The following WDR33 variants were observed in gnomAD, a reference collection of about 807,000 sequenced individuals.
The protein encoded by WDR33 is WD repeat domain 33, also known as pre-mRNA 3' end processing protein WDR33.
A neutral mutation model predicts 164.9 loss-of-function variants in WDR33; 47 were observed. The observed-to-expected ratio is 0.29, with a 90% confidence interval of 0.23 to 0.36. The LOEUF (loss-of-function observed/expected upper bound fraction) is 0.36, where lower values mean the gene tolerates loss of function less well. Ranked by LOEUF, WDR33 falls within the 10% of genes least tolerant of loss-of-function variation. The pLI is 1.00. For synonymous variants in WDR33, 505 were observed against 589.0 expected (o/e 0.86, Z 2.06); for missense variants, 1,137 against 1,754.1 (o/e 0.65, Z 6.28).
chr2:127,784,085 T>C (rs755719899), intron 1 of WDR33, among the ~76,000 whole-genome samples: 1 of 152,198 alleles, frequency 6.6e-6, no homozygotes, highest in East Asian at 1.9e-4. Context: ...AAAAGTAGCA[T>C]TGTTTTTCAC....
chr2:127,807,652 G>A (rs1287806517), intron 1 of WDR33, among the ~76,000 whole-genome samples: 2 of 152,130 alleles, frequency 1.3e-5, no homozygotes, highest in African/African-American at 4.8e-5. Context: ...GTGAAAGGAA[G>A]GAGAATACAA....
chr2:127,796,529 G>A (rs116382152), intron 1 of WDR33, among the ~76,000 whole-genome samples: 2,193 of 152,038 alleles, frequency 0.014, 91 homozygotes, highest in African/African-American at 0.051. Context: ...AGCCCAGCCT[G>A]AGCAACAAAA....
chr2:127,767,227 C>T (rs1419881546), intron 4 of WDR33, among the ~76,000 whole-genome samples: 1 of 152,114 alleles, frequency 6.6e-6, no homozygotes, highest in Non-Finnish European at 1.5e-5. Context: ...ATGTTTGACA[C>T]AATCGTCTTT....
chr2:127,706,219 T>C lies in WDR33; in HGVS notation c.*104A>G. ...TGGGATTCAGGTGCCCAGAAAAGAG[T>C]TCAGGGCTACAATGGTGCAGGCTTC... On this transcript the variant is annotated 3_prime_UTR_variant, in exon 22 of 22. Transcript: ENST00000322313. This position sits in a 1 kb window ranked among gnomAD's most constrained non-coding sequence, Gnocchi z 5.1. 9.1e-7 allele frequency: 1 copy of C among 1,104,524 alleles called. No individual in the cohort carries two copies. Among genetic ancestry groups the C allele is most frequent in the Non-Finnish European group, 1.2e-6 (1 of 807,924 alleles). 68.4% of individuals were successfully genotyped at this position (1,104,524 alleles called of 1,614,324 possible). A position where few individuals can be genotyped will look rare whatever the true frequency, so the allele number is the denominator to read the frequency against.
chr2:127,711,764 A>AT (rs1206674701), intron 18 of WDR33, among the ~76,000 whole-genome samples: 3 of 74,644 alleles, frequency 4.0e-5, no homozygotes, highest in African/African-American at 3.7e-4. Flanking sequence ...ATATATATAT[A>AT]TATATATATA....
At chr2:127,778,022 G>A (rs553155109) in intron 1 of WDR33, among the ~76,000 whole-genome samples, 1 of 152,302 alleles carries the variant, frequency 6.6e-6, no homozygotes, top group South Asian at 2.1e-4. Flanking sequence ...AGCCGGGTGT[G>A]GTGGCTCATG....
At chr2:127,772,115 C>T (rs1374706426) in intron 1 of WDR33, among the ~76,000 whole-genome samples, 1 of 151,888 alleles carries the variant, frequency 6.6e-6, no homozygotes, top group Non-Finnish European at 1.5e-5. Flanking sequence ...AGGCATGAGC[C>T]ACCAAGCCTG....
In WDR33 at chr2:127,703,345, GACC is replaced by G. The variant is rs1266483100; in HGVS notation, c.*2975_*2977del. 6.0e-6 allele frequency: 1 copy of G among 167,036 alleles called. No individual in the cohort carries two copies. The highest frequency in any genetic ancestry group is 1.5e-5 in the Non-Finnish European group (1 of 68,126). 10.3% of individuals were successfully genotyped at this position (167,036 alleles called of 1,614,324 possible). A position where few individuals can be genotyped will look rare whatever the true frequency, so the allele number is the denominator to read the frequency against. ...TGATTCTACGTTCCCCAAGTTTGAG[GACC>G]ACTTTTCTGTGCATTGGCTTGCACA... On this transcript the variant is annotated 3_prime_UTR_variant, in exon 22 of 22. Coordinates refer to ENST00000322313, the MANE Select transcript of WDR33 (RefSeq NM_018383.5).
At chr2:127,765,467 G>A (rs115442511) in intron 4 of WDR33, among the ~76,000 whole-genome samples, 198 bp from the exon 5 acceptor site, 158 of 152,204 alleles carry the variant, frequency 1.0e-3, no homozygotes, top group African/African-American at 3.8e-3. Context: ...TAGTCCTTTG[G>A]TTTATTAGCT....
chr2:127,715,222 G>C (rs1686272010), intron 17 of WDR33, among the ~76,000 whole-genome samples: 1 of 151,066 alleles, frequency 6.6e-6, no homozygotes, highest in Non-Finnish European at 1.5e-5. Flanking sequence ...CTCCTGAGTA[G>C]CTGGGATTAC....
rs1685990585 is a variant in WDR33 at position 127,705,553 on chromosome 2, A to G, written c.*770T>C. 1 of 152,244 alleles carries G rather than the reference A, an allele frequency of 6.6e-6. No individual in the cohort carries two copies. Among genetic ancestry groups the G allele is most frequent in the Admixed American group, 6.5e-5 (1 of 15,290 alleles). 9.4% of individuals were successfully genotyped at this position (152,244 alleles called of 1,614,324 possible). ...CTAACATCAAGTTCCTCTCCTCATC[A>G]TAACAAGGCGATTCAAACCTAAACT... On this transcript the variant is annotated 3_prime_UTR_variant, in exon 22 of 22. Coordinates refer to ENST00000322313, the MANE Select transcript of WDR33 (RefSeq NM_018383.5). The surrounding 1 kb of genome is among the most constrained non-coding windows in gnomAD (Gnocchi z 4.5).
At chr2:127,773,982 C>A (rs552442711) in intron 1 of WDR33, among the ~76,000 whole-genome samples, 1 of 151,560 alleles carries the variant, frequency 6.6e-6, no homozygotes, top group South Asian at 2.1e-4. Context: ...CCCAAGCAGT[C>A]CACCTGCTTG....
Position 127,724,414 on chromosome 2 carries a change from A to G in WDR33, c.1115T>C (p.Met372Thr). 1 of 1,614,206 alleles carries G rather than the reference A, an allele frequency of 6.2e-7. No homozygotes were observed. Among genetic ancestry groups the G allele is most frequent in the South Asian group, 1.1e-5 (1 of 91,092 alleles). Residue 372 changes from methionine (M) to threonine (T), a missense_variant, in exon 11 of 22, where the codon ATG (methionine) becomes ACG (threonine). By Grantham distance (81) the Met-to-Thr change is moderately conservative. Transcript: ENST00000322313. The surrounding 1 kb of genome is among the most constrained non-coding windows in gnomAD (Gnocchi z 4.8). ...GVEKEVGGME[M>T]AHEGMIWSLA... ...ACTCCAGATCATCCCTTCGTGAGCC[A>G]TCTCCATCCCACCCACTTCCTTCTC...
rs1437190411 is a variant in WDR33, at chr2:127,741,852, A to G, written c.725-15075T>C. Among the ~76,000 whole-genome samples, 1 of 149,370 alleles carries G rather than the reference A, an allele frequency of 6.7e-6. No homozygotes were observed. The highest frequency in any genetic ancestry group is 2.0e-4 in the East Asian group (1 of 5,072). On this transcript the variant is annotated intron_variant, in intron 7 of 21. Coordinates refer to ENST00000322313, the MANE Select transcript of WDR33 (RefSeq NM_018383.5). This position sits in a 1 kb window ranked among gnomAD's most constrained non-coding sequence, Gnocchi z 4.1. ...ACAAAACAGGCTTCCTTGAAAAATG[A>G]AAAGATTAGAGAACCACTAGAAATT...
Position 127,713,484 on chromosome 2 carries a change from T to G in WDR33, c.3308+99A>C. 1 of 1,374,840 alleles carries G rather than the reference T, an allele frequency of 7.3e-7. No homozygotes were observed. The highest frequency in any genetic ancestry group is 1.3e-5 in the South Asian group (1 of 74,150). The allele number at this position is 1,374,840 out of a possible 1,614,324, so 85.2% of individuals were successfully genotyped here. Reference sequence around the variant, plus strand: ...AGTGCAGGGCTGGTAATTGATATAATTCTCTTTCCTCAAGAAAAAGAAGAA... The same window carrying G: ...AGTGCAGGGCTGGTAATTGATATAAGTCTCTTTCCTCAAGAAAAAGAAGAA... On this transcript the variant is annotated intron_variant, in intron 18 of 21. Coordinates refer to ENST00000322313, the MANE Select transcript of WDR33 (RefSeq NM_018383.5). The surrounding 1 kb of genome is among the most constrained non-coding windows in gnomAD (Gnocchi z 6.2).
intron 18 of WDR33, among the ~76,000 whole-genome samples, chr2:127,711,770 A>ATTT (rs1220888579): frequency 0.021 from 1,597 of 77,738 alleles, 137 homozygotes; most frequent in African/African-American, 0.071. Context: ...ATATATATAT[A>ATTT]TATATATATA....
Position 127,759,464 on chromosome 2 carries a change from A to G in WDR33, c.724+3598T>C, listed in dbSNP as rs1350240189. Among the ~76,000 whole-genome samples the G allele has an allele frequency of 2.0e-5, 3 of 151,912 alleles. No individual in the cohort carries two copies. The East Asian group carries it at 5.9e-4, about 30-fold the overall frequency. The stretch of plus-strand genomic sequence containing the variant: ...CCAGCACTTTGGGAGGCCGAGGAGC[A>G]TGGATCACGTGAGGTCAGCAGCTCT... On this transcript the variant is annotated intron_variant, in intron 7 of 21. Transcript: ENST00000322313.
chr2:127,702,241 G>A lies in WDR33; in HGVS notation c.*4082C>T, dbSNP rs1036440379. ...AGCGCCGTCGGAGACCGCGCCGGCC[G>A]AGCTGAGGACTGCACGCCGCTGTGC... On this transcript the variant is annotated 3_prime_UTR_variant, in exon 22 of 22. Transcript: ENST00000322313. 2.6e-5 allele frequency: 31 copies of A among 1,181,506 alleles called. No homozygotes were observed. The highest frequency in any genetic ancestry group is 4.2e-5 in the South Asian group (1 of 23,586). 73.2% of individuals were successfully genotyped at this position (1,181,506 alleles called of 1,614,324 possible). A position where few individuals can be genotyped will look rare whatever the true frequency, so the allele number is the denominator to read the frequency against.
chr2:127,788,429 C>A (rs1382690202), intron 1 of WDR33, among the ~76,000 whole-genome samples: 1 of 130,288 alleles, frequency 7.7e-6, no homozygotes, highest in Non-Finnish European at 1.7e-5. Flanking sequence ...AGGGCTGACC[C>A]CCCCCACCTC....
Sources: allele counts gnomAD v4.1 joint callset (sites outside exome capture counted in the v4.1 genomes callset), GRCh38; gene constraint gnomAD v4.1.1; non-coding constraint Gnocchi (gnomAD v3.1); transcripts MANE v1.5; gene names NCBI Gene and HGNC (gene_info 2026-07-23, HGNC 2026-07-21).